The following IGF2R variants were observed in gnomAD, a reference collection of about 807,000 sequenced individuals.
IGF2R encodes the protein insulin like growth factor 2 receptor.
In IGF2R, 91 loss-of-function variants were observed where a neutral mutation model predicts 270.6. The observed-to-expected ratio is 0.34, with a 90% CI of 0.28 to 0.40. IGF2R has a LOEUF of 0.40. IGF2R is among the 10% of genes least tolerant of loss of function. The pLI is 1.00. For missense variants in IGF2R, 2,805 were observed against 3,188.3 expected (o/e 0.88, Z 2.90); for synonymous variants, 1,316 against 1,258.9 (o/e 1.05, Z -0.96).
chr6:160,093,914 GC>G, intron 44 of IGF2R: 2 of 715,670 alleles, frequency 2.8e-6, no homozygotes, highest in Non-Finnish European at 5.3e-6. Context: ...TGGGGACAGT[GC>G]CATATCTTTA....
chr6:160,100,568 G>GGAA (rs1779459647), intron 45 of IGF2R, among the ~76,000 whole-genome samples: 1 of 151,954 alleles, frequency 6.6e-6, no homozygotes, highest in African/African-American at 2.4e-5. Flanking sequence ...AGCTTTTTTT[G>GGAA]GAAGATTGAG....
chr6:160,058,929 T>C lies in IGF2R; in HGVS notation c.2922T>C (p.Pro974=), dbSNP rs568099841. The change falls in exon 22 of 48, where the codon CCT becomes CCC. Residue 974 remains proline (P), a synonymous_variant. Transcript: ENST00000356956. ...IFMFNVCGTM[P]VCGTILGKPA... ...AGTTTAATGTCTGCGGCACAATGCCTGTCTGTGGGACCATCCTGGGAAAAC... is the reference window on the plus strand; with the variant it reads ...AGTTTAATGTCTGCGGCACAATGCCCGTCTGTGGGACCATCCTGGGAAAAC... 1.2e-6 allele frequency: 2 copies of C among 1,614,098 alleles called. No homozygotes were observed. The highest frequency in any genetic ancestry group is 2.7e-5 in the African/African-American group (2 of 74,940).
chr6:159,972,928 T>C (rs1003494284), intron 1 of IGF2R, among the ~76,000 whole-genome samples: 1 of 152,218 alleles, frequency 6.6e-6, no homozygotes, highest in African/African-American at 2.4e-5. Flanking sequence ...TTTTCAAGTG[T>C]CAAGTGGATT....
rs1784317308 is a variant in IGF2R, at chr6:160,010,536, G to C, written c.415-151G>C. The C allele has an allele frequency of 1.8e-5, 10 of 551,420 alleles. 1 individual carries two copies. Among genetic ancestry groups the C allele is most frequent in the Non-Finnish European group, 2.3e-5 (7 of 305,528 alleles). 34.2% of individuals were successfully genotyped at this position (551,420 alleles called of 1,614,324 possible). ...GAATTTGCAGATTTGGGAACCTCTT[G>C]ATGACCCCGTTTAACTAAAGCGGTT... On this transcript the variant is annotated intron_variant, in intron 3 of 47. Coordinates refer to ENST00000356956, the MANE Select transcript of IGF2R (RefSeq NM_000876.4).
intron 44 of IGF2R, chr6:160,093,476 G>A (rs1779276865): frequency 2.0e-6 from 1 of 509,530 alleles, no homozygotes; most frequent in African/African-American, 1.9e-5. Flanking sequence ...AGATCAAGAA[G>A]GAGACTGGCT....
At chr6:160,015,950 C>T (rs967272638) in intron 4 of IGF2R, among the ~76,000 whole-genome samples, 3 of 152,208 alleles carry the variant, frequency 2.0e-5, no homozygotes, top group Non-Finnish European at 4.4e-5. Context: ...CACCTTCTGC[C>T]GTGAGTGAAA....
intron 31 of IGF2R, among the ~76,000 whole-genome samples, chr6:160,071,171 A>G (rs1778719360): frequency 7.0e-6 from 1 of 143,012 alleles, no homozygotes. Flanking sequence ...GCTGGGAGGG[A>G]AAGGTGAAGG....
chr6:159,992,832 C>G (rs1783999989), intron 2 of IGF2R, among the ~76,000 whole-genome samples: 1 of 152,146 alleles, frequency 6.6e-6, no homozygotes, highest in Non-Finnish European at 1.5e-5. Context: ...TGATAGATCT[C>G]TATACTGTTT....
intron 14 of IGF2R, 111 bp from the exon 15 acceptor site, chr6:160,046,387 C>G: frequency 9.8e-7 from 1 of 1,023,682 alleles, no homozygotes; most frequent in Non-Finnish European, 1.4e-6. Flanking sequence ...CTTCTTCCTG[C>G]CGTTGGGAAC....
chr6:160,008,810 G>A (rs1338018163), intron 2 of IGF2R, among the ~76,000 whole-genome samples, 200 bp from the exon 3 acceptor site: 2 of 152,134 alleles, frequency 1.3e-5, no homozygotes, highest in Non-Finnish European at 2.9e-5. Context: ...ATAGAATGCA[G>A]CAGACAAGGT....
At chr6:159,988,512 C>CAAAAAAAA (rs59531292) in intron 1 of IGF2R, among the ~76,000 whole-genome samples, 5 of 50,462 alleles carry the variant, frequency 9.9e-5, no homozygotes, top group African/African-American at 2.4e-4. Context: ...GACTCCGTCT[C>CAAAAAAAA]AAAAAAAAAA....
At chr6:160,039,537 A>G (rs933459590) in intron 10 of IGF2R, among the ~76,000 whole-genome samples, 2 of 152,216 alleles carry the variant, frequency 1.3e-5, no homozygotes, top group African/African-American at 4.8e-5. Context: ...TTATAATTAT[A>G]GTGATGATAA....
chr6:159,981,008 T>C (rs989252827), intron 1 of IGF2R, among the ~76,000 whole-genome samples: 6 of 152,294 alleles, frequency 3.9e-5, no homozygotes, highest in African/African-American at 1.2e-4. Flanking sequence ...TACTGTTGAG[T>C]TGATCTGAGC....
At chr6:160,044,999 G>A (rs1003259348) in intron 13 of IGF2R, among the ~76,000 whole-genome samples, 16 of 152,142 alleles carry the variant, frequency 1.1e-4, no homozygotes, top group African/African-American at 3.4e-4. Context: ...TTAAAACATT[G>A]CCCGTGATCT....
chr6:160,090,271 C>T (rs1034228347), intron 44 of IGF2R, 168 bp downstream of exon 44: 6 of 460,864 alleles, frequency 1.3e-5, no homozygotes, highest in East Asian at 7.2e-5. Context: ...TTGAGCGATA[C>T]GTGTCAGAAC....
In IGF2R at chr6:160,061,663, C is replaced by G. The variant is rs903885153; in HGVS notation, c.3406+17C>G. On this transcript the variant is annotated intron_variant, in intron 24 of 47. Transcript: ENST00000356956. ...GATGCCAGGGTGAGTTCTCCTTGGT[C>G]TCTTGATTGGCGTCTGTTCATTTTA... 2 of 1,614,028 alleles carry G rather than the reference C, an allele frequency of 1.2e-6. No individual in the cohort carries two copies. Among genetic ancestry groups the G allele is most frequent in the Non-Finnish European group, 8.5e-7 (1 of 1,179,962 alleles).
chr6:160,060,808 A>G, intron 23 of IGF2R, 91 bp downstream of exon 23: 1 of 1,274,524 alleles, frequency 7.8e-7, no homozygotes, highest in Non-Finnish European at 1.1e-6. Flanking sequence ...GTGTATGTAT[A>G]TTTGTGTGTG....
chr6:159,991,268 G>C lies in IGF2R; in HGVS notation c.234G>C (p.Gly78=). The C allele has an allele frequency of 6.2e-7, 1 of 1,613,796 alleles. No homozygotes were observed. Among genetic ancestry groups the C allele is most frequent in the East Asian group, 2.2e-5 (1 of 44,860 alleles). ...GAAGTGTGGATATTGTCCAGTGCGG[G>C]CCATCAAGTGCTGTTTGTATGCACG... ...ICGSVDIVQC[G]PSSAVCMHDL... is the part of the protein sequence containing the mutation. The change falls in exon 2 of 48, where the codon GGG becomes GGC. Residue 78 remains glycine, a synonymous_variant. Transcript: ENST00000356956.
chr6:160,065,814 G>GTGTGTGTATGTGTATATATATATATATA, intron 29 of IGF2R, among the ~76,000 whole-genome samples: 6 of 78,382 alleles, frequency 7.7e-5, no homozygotes, highest in Admixed American at 1.6e-4. Flanking sequence ...GTGTGTGTGT[G>GTGTGTGTATGTGTATATATATATATATA]TATATATATA....
Sources: gnomAD v4.1 joint callset for allele counts (sites outside exome capture counted in the v4.1 genomes callset) on GRCh38, gnomAD v4.1.1 for gene constraint, MANE v1.5 for transcripts, NCBI Gene and HGNC (gene_info 2026-07-23, HGNC 2026-07-21) for gene names.